GCNT1: variants seen among roughly 807,000 people sequenced by gnomAD.
GCNT1 encodes beta-1,3-galactosyl-O-glycosyl-glycoprotein beta-1,6-N-acetylglucosaminyltransferase.
GCNT1 carries 16 observed loss-of-function variants against 26.2 expected under a neutral mutation model. The ratio of observed to expected loss-of-function variants is 0.61; its 90% CI spans 0.41 to 0.93. GCNT1 has a LOEUF of 0.93. Ranked by LOEUF, GCNT1 falls within the 40% of genes least tolerant of loss-of-function variation. The pLI is 0.00. For missense variants in GCNT1, 477 were observed against 526.7 expected, an observed-to-expected ratio of 0.91 and a Z score of 0.92; for synonymous variants, 183 against 190.8, an observed-to-expected ratio of 0.96 and a Z score of 0.34.
intron 2 of GCNT1, among the ~76,000 whole-genome samples, chr9:76,500,246 G>A (rs1289013037): frequency 1.3e-5 from 2 of 152,052 alleles, no homozygotes; most frequent in Admixed American, 1.3e-4. Context: ...TTGTTTAGTG[G>A]CTTTCCTGGA....
At chr9:76,476,423 AT>A (rs1824252870) in intron 2 of GCNT1, among the ~76,000 whole-genome samples, 3 of 151,792 alleles carry the variant, frequency 2.0e-5, no homozygotes, top group African/African-American at 7.2e-5. Context: ...CTACTTTTAG[AT>A]TTGAAAAAAA....
chr9:76,398,627 C>T, the GCNT1 span: 12 of 852,764 alleles, frequency 1.4e-5, no homozygotes, highest in South Asian at 2.9e-5. Context: ...TTTTGCTTTC[C>T]GCGCTACCTA....
intron 1 of GCNT1, among the ~76,000 whole-genome samples, chr9:76,449,080 A>G (rs1228835852): frequency 6.6e-6 from 1 of 152,160 alleles, no homozygotes; most frequent in Non-Finnish European, 1.5e-5. Context: ...TAATCCCAGC[A>G]TTTTGGGAGG....
Position 76,476,236 on chromosome 9 carries a change from T to C in GCNT1, c.-290+16059T>C, listed in dbSNP as rs549168637. ...TTTAGGAGGCTCAAGTACTTAAAAT[T>C]GGGACCGTTCAGAAAACCCAAGACG... is the stretch of plus-strand genomic sequence containing the variant. On this transcript the variant is annotated intron_variant, in intron 2 of 3. Transcript: ENST00000376730. Among the ~76,000 whole-genome samples the C allele has an allele frequency of 2.6e-5, 4 of 152,232 alleles. No individual in the cohort carries two copies. The East Asian group carries it at 7.7e-4, about 29-fold the overall frequency.
At chr9:76,502,186 T>TATATATATATATATATATAATAA (rs1825092526) in intron 3 of GCNT1, 53 bp from the exon 4 acceptor site, 2 of 51,520 alleles carry the variant, frequency 3.9e-5, no homozygotes, top group Non-Finnish European at 6.4e-5. Context: ...TCTGTATATA[T>TATATATATATATATATATAATAA]ATATATATAT....
upstream of GCNT1, among the ~76,000 whole-genome samples, chr9:76,415,165 C>T (rs1823121933): frequency 6.6e-6 from 1 of 152,082 alleles, no homozygotes; most frequent in Admixed American, 6.6e-5. Context: ...TCAGGTGATA[C>T]TTCCACCTCA....
chr9:76,473,877 T>G (rs1471534965), intron 2 of GCNT1, among the ~76,000 whole-genome samples: 1 of 152,134 alleles, frequency 6.6e-6, no homozygotes, highest in Non-Finnish European at 1.5e-5. Context: ...CCTAGGTGGA[T>G]CACTTGAGCC....
chr9:76,457,292 A>C (rs930060671), upstream of GCNT1, among the ~76,000 whole-genome samples: 6 of 152,232 alleles, frequency 3.9e-5, no homozygotes, highest in Middle Eastern at 3.2e-3. Flanking sequence ...TTTGTCACGC[A>C]GGCCAGAGTG....
chr9:76,501,560 A>G (rs1825070087), intron 3 of GCNT1, among the ~76,000 whole-genome samples: 2 of 152,216 alleles, frequency 1.3e-5, no homozygotes, highest in Admixed American at 1.3e-4. Flanking sequence ...AACTAAACTC[A>G]TTGTGGGACT....
At chr9:76,477,592 T>G (rs574077090) in intron 2 of GCNT1, among the ~76,000 whole-genome samples, 2 of 152,118 alleles carry the variant, frequency 1.3e-5, no homozygotes, top group South Asian at 4.1e-4. Flanking sequence ...TGAAGGTGCA[T>G]CTAGTCACGT....
intron 1 of GCNT1, among the ~76,000 whole-genome samples, chr9:76,428,460 C>T (rs931060517): frequency 1.3e-5 from 2 of 151,582 alleles, no homozygotes; most frequent in African/African-American, 4.8e-5. Context: ...ATATGAATAC[C>T]TATCACTGAT....
chr9:76,460,887 GTA>G, intron 2 of GCNT1, among the ~76,000 whole-genome samples: 1 of 152,144 alleles, frequency 6.6e-6, no homozygotes, highest in Non-Finnish European at 1.5e-5. Context: ...CCCCAAGTTT[GTA>G]CTAGATTCTA....
chr9:76,448,218 G>A (rs535715597), intron 1 of GCNT1, among the ~76,000 whole-genome samples: 29 of 152,326 alleles, frequency 1.9e-4, no homozygotes, highest in African/African-American at 6.7e-4. Context: ...CTGGGAGCCC[G>A]AGGCAGGCGG....
At chr9:76,439,227 T>TC (rs202229817), upstream of GCNT1, among the ~76,000 whole-genome samples, 124 of 143,304 alleles carry the variant, frequency 8.7e-4, 1 homozygote, top group African/African-American at 2.3e-3. Context: ...CTTTTTCTTT[T>TC]TTTTTTTTTT....
chr9:76,489,847 A>T (rs901508520), intron 2 of GCNT1, among the ~76,000 whole-genome samples: 21 of 152,176 alleles, frequency 1.4e-4, no homozygotes, highest in African/African-American at 4.8e-4. Context: ...CTGCAGTTGT[A>T]GTGTCCTCCA....
At chr9:76,409,004 T>C in the GCNT1 span, among the ~76,000 whole-genome samples, 1 of 152,308 alleles carries the variant, frequency 6.6e-6, no homozygotes, top group South Asian at 2.1e-4. Flanking sequence ...ACTTCTATTT[T>C]CTGAAAGAGA....
chr9:76,423,296 GT>G (rs1230230848), intron 1 of GCNT1, among the ~76,000 whole-genome samples: 1 of 152,172 alleles, frequency 6.6e-6, no homozygotes, highest in Non-Finnish European at 1.5e-5. Flanking sequence ...AATTGGAGGT[GT>G]TTTGGTCATG....
At chr9:76,393,918 C>T in the GCNT1 span, 6 of 636,908 alleles carry the variant, frequency 9.4e-6, no homozygotes, top group Admixed American at 1.6e-4. Context: ...GACAAGCTCC[C>T]TCAACCGAGC....
At position 76,503,478 on chromosome 9, in the gene GCNT1, G is replaced by A. The variant is rs955606301; in HGVS notation, c.1097G>A (p.Gly366Asp). Reference protein sequence around the residue: ...WQYFEGDVSKGAPYPPCDGVH... With the variant: ...WQYFEGDVSKDAPYPPCDGVH... ...TACTTTGAGGGTGATGTTTCCAAGG[G>A]TGCTCCCTACCCGCCCTGCGATGGA... Residue 366 changes from glycine to aspartate, a missense_variant, in exon 4 of 4, where the codon GGT becomes GAT. Transcript: ENST00000376730. 2 of 1,614,112 alleles carry A rather than the reference G, an allele frequency of 1.2e-6. No individual in the cohort carries two copies. The highest frequency in any genetic ancestry group is 1.7e-4 in the Middle Eastern group (1 of 6,060).
Sources: allele counts gnomAD v4.1 joint callset (sites outside exome capture counted in the v4.1 genomes callset), GRCh38; gene constraint gnomAD v4.1.1; transcripts MANE v1.5; gene names NCBI Gene and HGNC (gene_info 2026-07-23, HGNC 2026-07-21).